DENND2A: variants seen among roughly 807,000 people sequenced by gnomAD.
DENND2A encodes DENN domain-containing protein 2A.
Under a neutral mutation model 105.3 loss-of-function variants are expected in DENND2A, and 53 were observed. The observed-to-expected ratio is 0.50, with a 90% confidence interval of 0.40 to 0.63. The LOEUF (loss-of-function observed/expected upper bound fraction) is 0.63, where lower values mean the gene tolerates loss of function less well. DENND2A is among the 30% of genes least tolerant of loss of function. The pLI, the probability that DENND2A is intolerant of heterozygous loss-of-function variation, is 0.00. For synonymous variants in DENND2A, 522 were observed against 508.4 expected (o/e 1.03, Z -0.36); for missense variants, 1,138 against 1,279.6 (o/e 0.89, Z 1.69).
chr7:140,635,549 C>T (rs1388781934), intron 1 of DENND2A, among the ~76,000 whole-genome samples: 1 of 152,148 alleles, frequency 6.6e-6, no homozygotes, highest in Non-Finnish European at 1.5e-5. Context: ...ATGATCCCTG[C>T]TTTCATTTCC....
At chr7:140,621,346 T>C (rs539600034) in intron 1 of DENND2A, among the ~76,000 whole-genome samples, 17 of 152,200 alleles carry the variant, frequency 1.1e-4, no homozygotes, top group Non-Finnish European at 2.4e-4. Flanking sequence ...CCCTTCCACA[T>C]ACTTTAAATC....
chr7:140,601,221 T>G (rs1436554661), intron 3 of DENND2A, among the ~76,000 whole-genome samples, 182 bp downstream of exon 3: 1 of 152,238 alleles, frequency 6.6e-6, no homozygotes, highest in East Asian at 1.9e-4. Flanking sequence ...ACAAAATACA[T>G]GCATCAGTTA....
At chr7:140,533,136 T>G (rs532724509) in intron 14 of DENND2A, among the ~76,000 whole-genome samples, 1 of 152,006 alleles carries the variant, frequency 6.6e-6, no homozygotes, top group South Asian at 2.1e-4. Flanking sequence ...GGACTACAGG[T>G]GTGCACCACC....
At chr7:140,529,671 T>G (rs1796187889) in intron 14 of DENND2A, among the ~76,000 whole-genome samples, 1 of 152,072 alleles carries the variant, frequency 6.6e-6, no homozygotes, top group Non-Finnish European at 1.5e-5. Flanking sequence ...GAAACCATCA[T>G]TCTCAGCAAA....
chr7:140,534,080 A>AT (rs1479209845), intron 14 of DENND2A, among the ~76,000 whole-genome samples: 2 of 57,514 alleles, frequency 3.5e-5, no homozygotes, highest in South Asian at 6.7e-4. Context: ...ATGCCTGGTT[A>AT]ATTTTTTTTT....
At chr7:140,547,071 A>G (rs921052477) in intron 12 of DENND2A, 132 bp from the exon 13 acceptor site, 2 of 1,155,010 alleles carry the variant, frequency 1.7e-6, no homozygotes, top group Non-Finnish European at 2.4e-6. Context: ...CATGAGGCCA[A>G]AACAGGCCCT....
rs1321228886 is a variant in DENND2A at position 140,601,769 on chromosome 7, C to G, written c.629G>C (p.Gly210Ala). The G allele has an allele frequency of 6.8e-6, 11 of 1,613,888 alleles. No homozygotes were observed. Among genetic ancestry groups the G allele is most frequent in the Non-Finnish European group, 6.8e-6 (8 of 1,180,008 alleles). Residue 210 changes from glycine to alanine, a missense_variant, in exon 3 of 20, where the codon GGC becomes GCC. Gly to Ala is a moderately conservative substitution (Grantham distance 60). Coordinates refer to ENST00000496613, the MANE Select transcript of DENND2A (RefSeq NM_015689.5). ...GTGGACCCTCTGGCTGACTTCTGAGCCACTCCCGCCTCCCAGGTTCTCAGG... is the reference window on the plus strand; with the variant it reads ...GTGGACCCTCTGGCTGACTTCTGAGGCACTCCCGCCTCCCAGGTTCTCAGG... ...TLPENLGGGS[G>A]SEVSQRVHPS...
intron 1 of DENND2A, among the ~76,000 whole-genome samples, chr7:140,633,988 A>T (rs1800827606): frequency 6.6e-6 from 1 of 152,020 alleles, no homozygotes; most frequent in Non-Finnish European, 1.5e-5. Flanking sequence ...TTGCGAGATT[A>T]AAATAGATTT....
At chr7:140,589,012 A>C (rs1317112476) in intron 3 of DENND2A, among the ~76,000 whole-genome samples, 1 of 152,098 alleles carries the variant, frequency 6.6e-6, no homozygotes, top group Non-Finnish European at 1.5e-5. Flanking sequence ...CAAAGTGCTA[A>C]CATTACAGGC....
At chr7:140,581,106 T>C (rs144236182) in intron 5 of DENND2A, among the ~76,000 whole-genome samples, 169 of 151,992 alleles carry the variant, frequency 1.1e-3, no homozygotes, top group Middle Eastern at 6.8e-3. Flanking sequence ...TTACTAAAAA[T>C]ACCCAAAAAA....
chr7:140,522,336 T>C (rs918062691), intron 17 of DENND2A, among the ~76,000 whole-genome samples: 4 of 152,218 alleles, frequency 2.6e-5, no homozygotes, highest in Admixed American at 6.5e-5. Flanking sequence ...TTTTTTGAGA[T>C]GGAGTCTCAC....
intron 18 of DENND2A, among the ~76,000 whole-genome samples, chr7:140,519,933 C>T (rs1197074360): frequency 6.6e-6 from 1 of 152,128 alleles, no homozygotes; most frequent in African/African-American, 2.4e-5. Context: ...ATAAAGCCAC[C>T]TCATAGATGA....
intron 3 of DENND2A, among the ~76,000 whole-genome samples, chr7:140,590,080 C>T (rs1454304256): frequency 2.0e-5 from 3 of 152,238 alleles, no homozygotes; most frequent in Non-Finnish European, 2.9e-5. Context: ...CAGCGGATGA[C>T]TCGCTTATTT....
At chr7:140,547,073 A>C in intron 12 of DENND2A, 134 bp from the exon 13 acceptor site, 3 of 1,127,744 alleles carry the variant, frequency 2.7e-6, no homozygotes, top group Non-Finnish European at 3.7e-6. Flanking sequence ...TGAGGCCAAA[A>C]CAGGCCCTTT....
chr7:140,530,479 A>C (rs1796219766), intron 14 of DENND2A, among the ~76,000 whole-genome samples: 1 of 152,104 alleles, frequency 6.6e-6, no homozygotes, highest in African/African-American at 2.4e-5. Context: ...GCAGCATGGC[A>C]TCCATGCATC....
At chr7:140,577,219 G>T (rs1378840021) in intron 5 of DENND2A, among the ~76,000 whole-genome samples, 1 of 152,142 alleles carries the variant, frequency 6.6e-6, no homozygotes, top group Non-Finnish European at 1.5e-5. Context: ...CAATGACACA[G>T]TACTATCTGA....
At chr7:140,547,747 AC>A (rs1796965254) in intron 12 of DENND2A, among the ~76,000 whole-genome samples, 1 of 152,234 alleles carries the variant, frequency 6.6e-6, no homozygotes, top group Admixed American at 6.5e-5. Flanking sequence ...ATGTCCATTA[AC>A]TGATGAAGTG....
At chr7:140,534,562 C>T (rs745856744) in intron 14 of DENND2A, among the ~76,000 whole-genome samples, 2 of 152,138 alleles carry the variant, frequency 1.3e-5, no homozygotes, top group South Asian at 2.1e-4. Flanking sequence ...AATTTTATTC[C>T]CTGACTTGTG....
rs1044862437 is a variant in DENND2A at position 140,640,234 on chromosome 7, G to T, written c.-248+270C>A. ...GGACCCAGCACGGCGCAGGGCGGGG[G>T]TCTACCGGCTTTCTGCAGGTCCCCG... On this transcript the variant is annotated intron_variant, in intron 1 of 19. Coordinates refer to ENST00000496613, the MANE Select transcript of DENND2A (RefSeq NM_015689.5). The surrounding 1 kb of genome is among the most constrained non-coding windows in gnomAD (Gnocchi z 4.9). 4 of 152,328 alleles carry T rather than the reference G, an allele frequency of 2.6e-5. No individual in the cohort carries two copies. Among genetic ancestry groups the T allele is most frequent in the Non-Finnish European group, 5.9e-5 (4 of 68,154 alleles). The allele number at this position is 152,328 out of a possible 1,614,324, so 9.4% of individuals were successfully genotyped here. A position where few individuals can be genotyped will look rare whatever the true frequency, so the allele number is the denominator to read the frequency against.
Sources: allele counts gnomAD v4.1 joint callset (sites outside exome capture counted in the v4.1 genomes callset), GRCh38; gene constraint gnomAD v4.1.1; non-coding constraint Gnocchi (gnomAD v3.1); transcripts MANE v1.5; gene names NCBI Gene and HGNC (gene_info 2026-07-23, HGNC 2026-07-21).